Variants in RYR1 observed in about 807,000 individuals in gnomAD.
RYR1 encodes ryanodine receptor 1, also known as central core disease of muscle.
RYR1 carries 342 observed loss-of-function variants against 583.5 expected under a neutral mutation model. The observed-to-expected ratio is 0.59, with a 90% confidence interval of 0.54 to 0.64. The LOEUF (loss-of-function observed/expected upper bound fraction) is 0.64. RYR1 is among the 30% of genes least tolerant of loss of function. RYR1 has a pLI of 0.00. For synonymous variants in RYR1, 2,791 were observed against 2,822.5 expected (o/e 0.99, Z 0.35); for missense variants, 6,032 against 6,917.2 (o/e 0.87, Z 4.54).
intron 35 of RYR1, among the ~76,000 whole-genome samples, chr19:38,489,690 G>A (rs1969464825): frequency 6.6e-6 from 1 of 152,202 alleles, no homozygotes; most frequent in South Asian, 2.1e-4. Context: ...ATACAGTGGT[G>A]CGATCTCGGC....
chr19:38,473,262 T>G, intron 27 of RYR1, 115 bp from the exon 28 acceptor site: 2 of 1,322,060 alleles, frequency 1.5e-6, no homozygotes, highest in Non-Finnish European at 2.2e-6. Flanking sequence ...CCTTGACTAA[T>G]TCCCATGCAG....
chr19:38,513,899 A>G (rs1433004763), intron 63 of RYR1, among the ~76,000 whole-genome samples: 1 of 151,982 alleles, frequency 6.6e-6, no homozygotes, highest in Non-Finnish European at 1.5e-5. Flanking sequence ...TAGAATAGGA[A>G]CCTTCTCTTG....
At position 38,511,621 on chromosome 19, in the gene RYR1, C is replaced by A; in HGVS notation, c.9172+11C>A. ...GAGTCTCTCTCTTTGGTAAGTGGCT[C>A]CACACCTTCGGTCTTCCTCCCTAAT... On this transcript the variant is annotated intron_variant, in intron 61 of 105. Coordinates refer to ENST00000359596, the MANE Select transcript of RYR1 (RefSeq NM_000540.3). The A allele has an allele frequency of 6.2e-7, 1 of 1,613,942 alleles. No individual in the cohort carries two copies.
intron 17 of RYR1, 80 bp from the exon 18 acceptor site, chr19:38,457,969 CTG>C: frequency 2.1e-6 from 3 of 1,416,880 alleles, no homozygotes; most frequent in African/African-American, 1.4e-5. Context: ...CTTTGGATGT[CTG>C]TCTCTCTCTG....
rs1456170792 is a variant in RYR1, at chr19:38,478,450, C to G, written c.4470C>G (p.Asn1490Lys). 1.2e-6 allele frequency: 2 copies of G among 1,613,808 alleles called. No individual in the cohort carries two copies. Among genetic ancestry groups the G allele is most frequent in the Non-Finnish European group, 1.7e-6 (2 of 1,180,036 alleles). Residue 1490 changes from asparagine to lysine, a missense_variant, in exon 31 of 106, where the codon AAC (asparagine) becomes AAG (lysine). Physicochemically the swap from Asn to Lys is moderately conservative, Grantham distance 94. Around this residue, in one of 11 missense-constraint regions of RYR1, gnomAD observed 2,627 missense variants for 2,961.3 expected, o/e 0.89. Transcript: ENST00000359596. ...TCTCCTGCAGCCTCAAGTGTAGCAACTGCTACATGGTGTGGGGCGGAGACT... is the reference window on the plus strand; with the variant it reads ...TCTCCTGCAGCCTCAAGTGTAGCAAGTGCTACATGGTGTGGGGCGGAGACT... ...GNVHSSLKCS[N>K]CYMVWGGDFV...
chr19:38,496,236 C>T lies in RYR1; in HGVS notation c.6570C>T (p.Val2190=). The T allele has an allele frequency of 6.2e-7, 1 of 1,613,836 alleles. No homozygotes were observed. The highest frequency in any genetic ancestry group is 8.5e-7 in the Non-Finnish European group (1 of 1,180,044). ...ACAGGAACATCATGAACAACAAAGT[C>T]TTCTACCAACACCCGAACCTGATGA... is the stretch of plus-strand genomic sequence containing the variant. ...QSIGNIMNNK[V]FYQHPNLMRA... Residue 2190 remains valine, a synonymous_variant, in exon 40 of 106, where the codon GTC becomes GTT. Transcript: ENST00000359596. This position sits in a 1 kb window ranked among gnomAD's most constrained non-coding sequence, Gnocchi z 4.8.
rs1442771810 is a variant in RYR1, at chr19:38,464,585, G to A, written c.2787-54G>A. The A allele has an allele frequency of 1.7e-5, 25 of 1,476,048 alleles. No homozygotes were observed. The South Asian group carries it at 2.1e-4, about 12-fold the overall frequency. 91.4% of individuals were successfully genotyped at this position (1,476,048 alleles called of 1,614,324 possible). On this transcript the variant is annotated intron_variant, in intron 22 of 105. Coordinates refer to ENST00000359596, the MANE Select transcript of RYR1 (RefSeq NM_000540.3). ...AGACCCTGAGGCCGTGGGAGGAGAC[G>A]GGGCAGGGAGCTCTGAGGGGCGTGA...
At chr19:38,580,597 A>G in intron 101 of RYR1, 93 bp downstream of exon 101, 1 of 1,514,102 alleles carries the variant, frequency 6.6e-7, no homozygotes, top group African/African-American at 1.4e-5. Flanking sequence ...TGGTGCCTCC[A>G]GCCTGCAATC....
At chr19:38,451,966 C>A (rs1313915927) in intron 12 of RYR1, 81 bp downstream of exon 12, 2 of 1,588,290 alleles carry the variant, frequency 1.3e-6, no homozygotes, top group Non-Finnish European at 1.7e-6. Flanking sequence ...CCTCTTTCAT[C>A]TCTACCTCTG....
Position 38,513,207 on chromosome 19 carries a change from G to A in RYR1, c.9472+724G>A, listed in dbSNP as rs1051939709. 5.9e-5 allele frequency among the ~76,000 whole-genome samples: 9 copies of A among 152,020 alleles called. 1 individual carries two copies. Among genetic ancestry groups the A allele is most frequent in the Non-Finnish European group, 1.3e-4 (9 of 67,980 alleles). On this transcript the variant is annotated intron_variant, in intron 63 of 105. Coordinates refer to ENST00000359596, the MANE Select transcript of RYR1 (RefSeq NM_000540.3). ...CAAAAATTAGCCGGGCATGGTGGTG[G>A]TCGCCTATAATCCTAGCTACCTGGG...
chr19:38,552,964 A>G (rs1972728251), intron 89 of RYR1, among the ~76,000 whole-genome samples: 1 of 152,210 alleles, frequency 6.6e-6, no homozygotes, highest in Admixed American at 6.5e-5. Flanking sequence ...CATCTGTTAC[A>G]CAAAGTTATA....
chr19:38,435,393 G>T (rs1972381857), intron 1 of RYR1, among the ~76,000 whole-genome samples: 1 of 152,170 alleles, frequency 6.6e-6, no homozygotes, highest in East Asian at 1.9e-4. Context: ...ACCCCAGACT[G>T]GGTCAGTTTT....
rs777460436 is a variant in RYR1, at chr19:38,496,877, C to A, written c.6814C>A (p.Pro2272Thr). The change falls in exon 42 of 106, where the codon CCC (proline) becomes ACC (threonine). Residue 2272 changes from proline (P) to threonine (T), a missense_variant. Pro to Thr is a conservative substitution (Grantham distance 38, BLOSUM62 -1). This residue lies in a region of RYR1 where 2,627 missense variants were observed against 2,961.3 expected (regional missense o/e 0.89). Coordinates refer to ENST00000359596, the MANE Select transcript of RYR1 (RefSeq NM_000540.3). The surrounding 1 kb of genome is among the most constrained non-coding windows in gnomAD (Gnocchi z 4.8). The part of the protein sequence containing the change: ...GIGLGMQGST[P>T]LDVAAASVID... ...CCCTGCAGGCATGCAGGGCTCCACG[C>A]CCCTGGACGTGGCTGCTGCCTCCGT... 2 of 1,613,480 alleles carry A rather than the reference C, an allele frequency of 1.2e-6. No individual in the cohort carries two copies. Among genetic ancestry groups the A allele is most frequent in the Non-Finnish European group, 1.7e-6 (2 of 1,179,914 alleles).
chr19:38,536,839 C>A, intron 83 of RYR1, 72 bp downstream of exon 83: 1 of 1,508,830 alleles, frequency 6.6e-7, no homozygotes, highest in Non-Finnish European at 9.2e-7. Context: ...ACCCCTCCAC[C>A]TAGGGGCTGA....
In RYR1 at chr19:38,499,621, A is replaced by C; in HGVS notation, c.7028-14A>C. 1.3e-6 allele frequency: 2 copies of C among 1,597,082 alleles called. No individual in the cohort carries two copies. Among genetic ancestry groups the C allele is most frequent in the Non-Finnish European group, 1.7e-6 (2 of 1,179,800 alleles). On this transcript the variant is annotated splice_polypyrimidine_tract_variant and intron_variant, in intron 43 of 105. Coordinates refer to ENST00000359596, the MANE Select transcript of RYR1 (RefSeq NM_000540.3). This position sits in a 1 kb window ranked among gnomAD's most constrained non-coding sequence, Gnocchi z 7.3. ...GTGGCTCATGAGACCCCCTTTCCCC[A>C]TGCGGGTGGCCAGGCGAGAGCGTGG... is the stretch of plus-strand genomic sequence containing the variant.
In RYR1 at chr19:38,483,206, C is replaced by A; in HGVS notation, c.4708-84C>A. ...GGCAGAGCCACTGAAGGGGAGGGGG[C>A]AATCCAAGAGGTCTCCCTGGAAGTG... On this transcript the variant is annotated intron_variant, in intron 32 of 105. Coordinates refer to ENST00000359596, the MANE Select transcript of RYR1 (RefSeq NM_000540.3). This position sits in a 1 kb window ranked among gnomAD's most constrained non-coding sequence, Gnocchi z 6.3. 4 of 1,583,432 alleles carry A rather than the reference C, an allele frequency of 2.5e-6. No homozygotes were observed. The highest frequency in any genetic ancestry group is 3.5e-6 in the Non-Finnish European group (4 of 1,156,036).
chr19:38,451,462 G>C (rs1967071147), intron 11 of RYR1, among the ~76,000 whole-genome samples: 1 of 152,146 alleles, frequency 6.6e-6, no homozygotes, highest in African/African-American at 2.4e-5. Context: ...TGGAGACAGA[G>C]ACAGGAAGGA....
At position 38,504,211 on chromosome 19, in the gene RYR1, C is replaced by T. The variant is rs1970334859; in HGVS notation, c.7927-9C>T. 6.2e-7 allele frequency: 1 copy of T among 1,609,468 alleles called. No individual in the cohort carries two copies. The highest frequency in any genetic ancestry group is 1.1e-5 in the South Asian group (1 of 90,124). On this transcript the variant is annotated splice_polypyrimidine_tract_variant and intron_variant, in intron 49 of 105. Transcript: ENST00000359596. ...CTCATTTGTGTGTCCCCCTCTTGTT[C>T]CCACCCAGCTCCTCACCAACCACTA...
chr19:38,507,675 C>CG, intron 57 of RYR1, 37 bp from the exon 58 acceptor site: 1 of 1,305,804 alleles, frequency 7.7e-7, no homozygotes, highest in East Asian at 2.3e-5. Flanking sequence ...GTAGGGCCGG[C>CG]GTCTGGGCTG....
Sources: gnomAD v4.1 joint callset for allele counts (sites outside exome capture counted in the v4.1 genomes callset) on GRCh38, gnomAD v4.1.1 for gene constraint, gnomAD v4.1.1 regional missense constraint, Gnocchi (gnomAD v3.1) non-coding constraint, MANE v1.5 for transcripts, NCBI Gene and HGNC (gene_info 2026-07-23, HGNC 2026-07-21) for gene names.